Variants in ABLIM1 observed in about 807,000 individuals in gnomAD.
ABLIM1 encodes the protein actin-binding LIM protein 1.
Under a neutral mutation model 107.0 loss-of-function variants are expected in ABLIM1, and 40 were observed. That is an observed-to-expected ratio of 0.37 (90% confidence interval 0.29 to 0.49). ABLIM1 has a LOEUF of 0.49. Ranked by LOEUF, ABLIM1 falls within the 20% of genes least tolerant of loss-of-function variation. The pLI is 0.97. For synonymous variants in ABLIM1, 357 were observed against 357.3 expected (o/e 1.00, Z 0.01); for missense variants, 857 against 1,008.5 (o/e 0.85, Z 2.04).
At chr10:114,441,883 T>C (rs979713140) in intron 17 of ABLIM1, 97 bp from the exon 18 acceptor site, 2 of 1,108,696 alleles carry the variant, frequency 1.8e-6, no homozygotes, top group African/African-American at 3.1e-5. Context: ...AGGATAGAAA[T>C]ACCAAAAAAA....
At position 114,563,686 on chromosome 10, in the gene ABLIM1, C is replaced by CA. The variant is rs952623106; in HGVS notation, c.673+7610dup. On this transcript the variant is annotated intron_variant, in intron 4 of 22. Coordinates refer to ENST00000533213, the MANE Select transcript of ABLIM1 (RefSeq NM_002313.7). ...CCTGTCTCTACAAAAAATACACACG[C>CA]AAAAAAAAAATTAGCCAGTCGTGGT... Among the ~76,000 whole-genome samples the CA allele has an allele frequency of 1.6e-4, 24 of 145,646 alleles. 1 individual carries two copies. The highest frequency in any genetic ancestry group is 3.5e-3 in the Middle Eastern group (1 of 288).
the ABLIM1 span, among the ~76,000 whole-genome samples, chr10:114,785,254 C>T: frequency 6.6e-6 from 1 of 152,208 alleles, no homozygotes; most frequent in Non-Finnish European, 1.5e-5. Flanking sequence ...GGCTTCTCAA[C>T]ATCAGATGTG....
intron 1 of ABLIM1, among the ~76,000 whole-genome samples, chr10:114,726,750 C>G (rs1017169249): frequency 3.3e-5 from 5 of 152,044 alleles, no homozygotes; most frequent in Admixed American, 1.3e-4. Flanking sequence ...CACTGCACTC[C>G]AGCCTGGTCA....
At chr10:114,547,864 A>G in intron 4 of ABLIM1, 88 bp from the exon 5 acceptor site, 1 of 1,485,784 alleles carries the variant, frequency 6.7e-7, no homozygotes, top group African/African-American at 1.4e-5. Context: ...CTGTGTGCCC[A>G]TCACACACTC....
Position 114,453,369 on chromosome 10 carries a change from C to T in ABLIM1, c.1546+10G>A. ...CAGGACACCAAGACACAGACTGTGTCAGCTCCTACCTGGAACATGGAAATG... is the reference window on the plus strand; with the variant it reads ...CAGGACACCAAGACACAGACTGTGTTAGCTCCTACCTGGAACATGGAAATG... On this transcript the variant is annotated intron_variant, in intron 13 of 22. Coordinates refer to ENST00000533213, the MANE Select transcript of ABLIM1 (RefSeq NM_002313.7). 1 of 1,613,670 alleles carries T rather than the reference C, an allele frequency of 6.2e-7. No homozygotes were observed. Among genetic ancestry groups the T allele is most frequent in the Non-Finnish European group, 8.5e-7 (1 of 1,179,670 alleles).
intron 1 of ABLIM1, among the ~76,000 whole-genome samples, chr10:114,700,820 T>C (rs1256507651): frequency 6.6e-6 from 1 of 152,070 alleles, no homozygotes; most frequent in Admixed American, 6.5e-5. Context: ...AAACTTAAAA[T>C]CTAAATCTCT....
intron 1 of ABLIM1, among the ~76,000 whole-genome samples, chr10:114,737,053 A>G (rs1415661151): frequency 1.3e-5 from 2 of 151,856 alleles, no homozygotes; most frequent in African/African-American, 4.8e-5. Flanking sequence ...GCTGGGTGTA[A>G]TAGCATGTGC....
chr10:114,741,791 C>G (rs1452874113), intron 1 of ABLIM1, among the ~76,000 whole-genome samples: 1 of 152,100 alleles, frequency 6.6e-6, no homozygotes, highest in African/African-American at 2.4e-5. Context: ...TCTTTTTGTT[C>G]ACCACAAGTA....
At chr10:114,631,543 T>G (rs1314146308) in intron 1 of ABLIM1, among the ~76,000 whole-genome samples, 1 of 152,072 alleles carries the variant, frequency 6.6e-6, no homozygotes, top group African/African-American at 2.4e-5. Context: ...CTTAATTAAC[T>G]TATTGATTGG....
At chr10:114,512,375 A>T (rs1214264877) in intron 6 of ABLIM1, among the ~76,000 whole-genome samples, 1 of 152,250 alleles carries the variant, frequency 6.6e-6, no homozygotes, top group East Asian at 1.9e-4. Context: ...TCATCTTTGC[A>T]TTCTCGAAGT....
At chr10:114,584,772 C>T (rs770303563) in intron 2 of ABLIM1, among the ~76,000 whole-genome samples, 5 of 152,052 alleles carry the variant, frequency 3.3e-5, no homozygotes, top group Non-Finnish European at 7.4e-5. Context: ...TAAAACGGGC[C>T]CCACAGCCAG....
intron 6 of ABLIM1, among the ~76,000 whole-genome samples, chr10:114,509,900 T>C (rs145474263): frequency 3.0e-4 from 45 of 152,304 alleles, no homozygotes; most frequent in African/African-American, 1.0e-3. Flanking sequence ...CTCACAATCA[T>C]GGCGGAAGAT....
chr10:114,451,639 T>C lies in ABLIM1; in HGVS notation c.1579A>G (p.Ile527Val). 6.2e-7 allele frequency: 1 copy of C among 1,613,544 alleles called. No individual in the cohort carries two copies. Among genetic ancestry groups the C allele is most frequent in the Non-Finnish European group, 8.5e-7 (1 of 1,179,686 alleles). ...CGGGTTTTACCATGCTGTTTGTAGA[T>C]GGGTGGCTTTCGGTAAATGTTGATT... ...QGINIYRKPP[I>V]YKQHAALAAQ... The change falls in exon 14 of 23, where the codon ATC becomes GTC. Residue 527 changes from isoleucine to valine, a missense_variant. By Grantham distance (29) the Ile-to-Val change is conservative. Around this residue, in one of 5 missense-constraint regions of ABLIM1, gnomAD observed 103 missense variants for 101.0 expected, o/e 1.02. Coordinates refer to ENST00000533213, the MANE Select transcript of ABLIM1 (RefSeq NM_002313.7).
chr10:114,571,009 C>G (rs534940866), intron 4 of ABLIM1, among the ~76,000 whole-genome samples: 1 of 152,232 alleles, frequency 6.6e-6, no homozygotes, highest in South Asian at 2.1e-4. Context: ...TTCTCCACAC[C>G]TAGGCTGATG....
intron 1 of ABLIM1, among the ~76,000 whole-genome samples, chr10:114,708,383 A>C (rs1306438878): frequency 6.6e-6 from 1 of 152,124 alleles, no homozygotes; most frequent in Non-Finnish European, 1.5e-5. Context: ...CTGCCACAGA[A>C]AAAGGAGTGT....
rs2058877369 is a variant in ABLIM1 at position 114,431,722 on chromosome 10, C to T, written c.*4538G>A. 1 of 152,176 alleles carries T rather than the reference C, an allele frequency of 6.6e-6. No individual in the cohort carries two copies. The highest frequency in any genetic ancestry group is 2.4e-5 in the African/African-American group (1 of 41,440). The allele number at this position is 152,176 out of a possible 1,614,324, so 9.4% of individuals were successfully genotyped here. On this transcript the variant is annotated 3_prime_UTR_variant, in exon 23 of 23. Transcript: ENST00000533213. ...GGGAACTGCACTCTTAGGAGAAACACTTTTGGGAATAATTTTATTGAATAA... is the reference window on the plus strand; with the variant it reads ...GGGAACTGCACTCTTAGGAGAAACATTTTTGGGAATAATTTTATTGAATAA...
Position 114,644,280 on chromosome 10 carries a change from C to CAAA in ABLIM1, c.244+13674_244+13676dup, listed in dbSNP as rs1170954656. Among the ~76,000 whole-genome samples, 68 of 18,626 alleles carry CAAA rather than the reference C, an allele frequency of 3.7e-3. 5 individuals carry two copies. The highest frequency in any genetic ancestry group is 6.9e-3 in the African/African-American group (41 of 5,914). The allele number at this position is 18,626 out of a possible 152,430, so 12.2% of individuals were successfully genotyped here. A position where few individuals can be genotyped will look rare whatever the true frequency, so the allele number is the denominator to read the frequency against. On this transcript the variant is annotated intron_variant, in intron 1 of 22. Transcript: ENST00000533213. ...TGGGTGACAGAGTGAGACTCCATCT[C>CAAA]AAAAAAAAAAAAAAAAAAAAAAAAA...
At chr10:114,758,190 T>C (rs1285626355) in intron 1 of ABLIM1, among the ~76,000 whole-genome samples, 1 of 152,218 alleles carries the variant, frequency 6.6e-6, no homozygotes, top group Non-Finnish European at 1.5e-5. Context: ...ACCTATCATA[T>C]GTTTATATGG....
chr10:114,457,010 A>C (rs1186128085), intron 12 of ABLIM1, among the ~76,000 whole-genome samples: 1 of 152,106 alleles, frequency 6.6e-6, no homozygotes, highest in Non-Finnish European at 1.5e-5. Context: ...ACTTCCCACA[A>C]AGCATTTTTA....
Sources: gnomAD v4.1 joint callset for allele counts (sites outside exome capture counted in the v4.1 genomes callset) on GRCh38, gnomAD v4.1.1 for gene constraint, gnomAD v4.1.1 regional missense constraint, MANE v1.5 for transcripts, NCBI Gene and HGNC (gene_info 2026-07-23, HGNC 2026-07-21) for gene names.